SRC: variants seen among roughly 807,000 people sequenced by gnomAD.
SRC encodes SRC proto-oncogene, non-receptor tyrosine kinase.
A neutral mutation model predicts 62.9 loss-of-function variants in SRC; 13 were observed. The observed-to-expected ratio is 0.21, with a 90% CI of 0.13 to 0.33. The LOEUF is 0.33. Ranked by LOEUF, SRC falls within the 10% of genes least tolerant of loss-of-function variation. SRC has a pLI of 1.00. For missense variants in SRC, 457 were observed against 737.3 expected, an observed-to-expected ratio of 0.62 and a Z score of 4.40; for synonymous variants, 302 against 317.5, an observed-to-expected ratio of 0.95 and a Z score of 0.52.
rs1568621667 is a variant in SRC at position 37,361,870 on chromosome 20, T to TGCCGGGGCCTCTGTGTGCGG, written c.-246-3333_-246-3332insCCGGGGCCTCTGTGTGCGGG. Among the ~76,000 whole-genome samples the TGCCGGGGCCTCTGTGTGCGG allele has an allele frequency of 2.5e-4, 9 of 36,096 alleles. No homozygotes were observed. In the African/African-American group the frequency reaches 3.1e-3, roughly 12 times the overall value. 23.7% of individuals were successfully genotyped at this position (36,096 alleles called of 152,430 possible). ...CGGGGTCTCTGTGTGCAGGTAGAGA[T>TGCCGGGGCCTCTGTGTGCGG]GTAGAGATGCCGGGGTCTCTGTGTG... On this transcript the variant is annotated intron_variant, in intron 1 of 13. Transcript: ENST00000373578.
intron 2 of SRC, among the ~76,000 whole-genome samples, chr20:37,370,088 C>T (rs991778421): frequency 6.6e-6 from 1 of 152,226 alleles, no homozygotes; most frequent in South Asian, 2.1e-4. Flanking sequence ...GTGTGAGCCA[C>T]CACACCCGGC....
intron 1 of SRC, among the ~76,000 whole-genome samples, chr20:37,358,216 G>A (rs34071321): frequency 0.042 from 6,468 of 152,280 alleles, 182 homozygotes; most frequent in African/African-American, 0.082. Context: ...TCCTGCATAC[G>A]CCATGTGTTC....
intron 1 of SRC, 26 bp downstream of exon 1, chr20:37,346,281 A>C (rs1026713754): frequency 7.5e-6 from 1 of 132,552 alleles, no homozygotes. Context: ...CCCTCCGCGG[A>C]CCCCCCGCCC....
At chr20:37,361,962 TGTAGAGATGCTGGGGTCTCTGTGTGCAG>T (rs1462192731) in intron 1 of SRC, among the ~76,000 whole-genome samples, 62 of 143,616 alleles carry the variant, frequency 4.3e-4, no homozygotes, top group Admixed American at 2.0e-3. Flanking sequence ...CAGGTAGAGA[TGTAGAGATGCTGGGGTCTCTGTGTGCAG>T]GTAGAGATGC....
intron 2 of SRC, among the ~76,000 whole-genome samples, chr20:37,381,236 T>C (rs958324571): frequency 4.6e-5 from 7 of 152,208 alleles, no homozygotes; most frequent in African/African-American, 1.7e-4. Flanking sequence ...TGTTATGCTT[T>C]TTCTGAGTGC....
Position 37,373,051 on chromosome 20 carries a change from T to C in SRC, c.-173+7774T>C, listed in dbSNP as rs1234148461. On this transcript the variant is annotated intron_variant, in intron 2 of 13. Coordinates refer to ENST00000373578, the MANE Select transcript of SRC (RefSeq NM_198291.3). ...ACATATATACACATATACACATATATACATATATACACACATATACACACA... is the reference window on the plus strand; with the variant it reads ...ACATATATACACATATACACATATACACATATATACACACATATACACACA... Among the ~76,000 whole-genome samples, 12 of 151,770 alleles carry C rather than the reference T, an allele frequency of 7.9e-5. No homozygotes were observed. The East Asian group carries it at 9.6e-4, about 12-fold the overall frequency.
chr20:37,396,549 G>T lies in SRC; in HGVS notation c.703+238G>T. 1.7e-6 allele frequency: 1 copy of T among 590,540 alleles called. No homozygotes were observed. The allele number at this position is 590,540 out of a possible 1,614,324, so 36.6% of individuals were successfully genotyped here. A position where few individuals can be genotyped will look rare whatever the true frequency, so the allele number is the denominator to read the frequency against. ...TCCCCCTCTCTCCCTGCTCCACGCA[G>T]TGTCCCACTGCCCGCCTTTCTCTGC... On this transcript the variant is annotated intron_variant, in intron 8 of 13. Transcript: ENST00000373578. The surrounding 1 kb of genome is among the most constrained non-coding windows in gnomAD (Gnocchi z 6.1).
chr20:37,374,204 C>T (rs977447730), intron 2 of SRC, among the ~76,000 whole-genome samples: 9 of 151,568 alleles, frequency 5.9e-5, no homozygotes, highest in African/African-American at 1.5e-4. Context: ...CTCAGCCTCC[C>T]GAGTAGCTAG....
At position 37,403,505 on chromosome 20, in the gene SRC, G is replaced by A. The variant is rs1440159182; in HGVS notation, c.*126G>A. Reference sequence around the variant, plus strand: ...TCTGTGGGGCTGAATTGCCAGGGGCGAGGCCCTTCCTCTTTGGTGGCATGG... The same window carrying A: ...TCTGTGGGGCTGAATTGCCAGGGGCAAGGCCCTTCCTCTTTGGTGGCATGG... On this transcript the variant is annotated 3_prime_UTR_variant, in exon 14 of 14. Transcript: ENST00000373578. This position sits in a 1 kb window ranked among gnomAD's most constrained non-coding sequence, Gnocchi z 7.1. The A allele has an allele frequency of 1.2e-5, 14 of 1,135,528 alleles. No individual in the cohort carries two copies. Among genetic ancestry groups the A allele is most frequent in the Admixed American group, 2.7e-5 (1 of 37,702 alleles). The allele number at this position is 1,135,528 out of a possible 1,614,324, so 70.3% of individuals were successfully genotyped here.
At chr20:37,363,490 A>ATCTGGCTGGTATCCTGGCTGTCTGCCT (rs558394370) in intron 1 of SRC, among the ~76,000 whole-genome samples, 79 of 152,098 alleles carry the variant, frequency 5.2e-4, no homozygotes, top group African/African-American at 1.8e-3. Flanking sequence ...TGTCCCTCGG[A>ATCTGGCTGGTATCCTGGCTGTCTGCCT]TCTGGCTGGT....
chr20:37,385,893 C>A (rs1455618255), intron 4 of SRC, among the ~76,000 whole-genome samples, 182 bp from the exon 5 acceptor site: 1 of 152,266 alleles, frequency 6.6e-6, no homozygotes, highest in Non-Finnish European at 1.5e-5. Context: ...TGCAGGGATG[C>A]GCAGATACAC....
At chr20:37,373,276 A>G (rs111220185) in intron 2 of SRC, among the ~76,000 whole-genome samples, 37,625 of 151,040 alleles carry the variant, frequency 0.25, 7,361 homozygotes, top group African/African-American at 0.55. Context: ...ACGCACACAC[A>G]CACACACATA....
rs1193068083 is a variant in SRC, at chr20:37,403,190, G to A, written c.1422G>A (p.Val474=). 3.2e-6 allele frequency: 5 copies of A among 1,554,276 alleles called. No homozygotes were observed. The highest frequency in any genetic ancestry group is 1.9e-5 in the Admixed American group (1 of 52,844). ...CCACAGGGATGGTGAACCGCGAGGT[G>A]CTGGACCAGGTGGAGCGGGGCTACC... The part of the protein sequence containing the change: ...VPYPGMVNRE[V]LDQVERGYRM... Residue 474 remains valine, a synonymous_variant, in exon 14 of 14, where the codon GTG becomes GTA. Transcript: ENST00000373578. The surrounding 1 kb of genome is among the most constrained non-coding windows in gnomAD (Gnocchi z 7.1).
At position 37,396,424 on chromosome 20, in the gene SRC, C is replaced by G. The variant is rs1396877875; in HGVS notation, c.703+113C>G. On this transcript the variant is annotated intron_variant, in intron 8 of 13. Transcript: ENST00000373578. This position sits in a 1 kb window ranked among gnomAD's most constrained non-coding sequence, Gnocchi z 6.1. ...GACTTCTGTTATCCTGCTTCTCTCCCCACTTCCCCCTCCCCCCTCCCTTCC... is the reference window on the plus strand; with the variant it reads ...GACTTCTGTTATCCTGCTTCTCTCCGCACTTCCCCCTCCCCCCTCCCTTCC... The G allele has an allele frequency of 8.1e-7, 1 of 1,227,024 alleles. No individual in the cohort carries two copies. Among genetic ancestry groups the G allele is most frequent in the Non-Finnish European group, 1.1e-6 (1 of 883,748 alleles). 76.0% of individuals were successfully genotyped at this position (1,227,024 alleles called of 1,614,324 possible).
At chr20:37,355,327 T>C (rs1414664480) in intron 1 of SRC, among the ~76,000 whole-genome samples, 1 of 149,058 alleles carries the variant, frequency 6.7e-6, no homozygotes, top group East Asian at 2.1e-4. Context: ...CCCGTTTCTC[T>C]CCTGTGCCCT....
At chr20:37,387,130 C>G (rs758951435) in intron 5 of SRC, among the ~76,000 whole-genome samples, 1 of 152,168 alleles carries the variant, frequency 6.6e-6, no homozygotes, top group Non-Finnish European at 1.5e-5. Flanking sequence ...TGGGTGTCCT[C>G]GAAGGCCTGG....
chr20:37,361,714 C>T (rs1184156930), intron 1 of SRC, among the ~76,000 whole-genome samples: 1 of 152,188 alleles, frequency 6.6e-6, no homozygotes, highest in Non-Finnish European at 1.5e-5. Flanking sequence ...GAGAGCAAAA[C>T]TTGCCACCTC....
In SRC at chr20:37,396,213, T is replaced by C. The variant is rs1331636640; in HGVS notation, c.605T>C (p.Val202Ala). Residue 202 changes from valine to alanine, a missense_variant, in exon 8 of 14, where the codon GTG becomes GCG. Val to Ala is a moderately conservative substitution (Grantham distance 64). This residue lies in a region of SRC where 141 missense variants were observed against 198.4 expected (regional missense o/e 0.71). Transcript: ENST00000373578. The surrounding 1 kb of genome is among the most constrained non-coding windows in gnomAD (Gnocchi z 6.1). ...SDFDNAKGLN[V>A]KHYKIRKLDS... ...TTCGACAACGCCAAGGGCCTCAACG[T>C]GAAGCACTACAAGATCCGCAAGCTG... 1 of 1,614,004 alleles carries C rather than the reference T, an allele frequency of 6.2e-7. No individual in the cohort carries two copies. Among genetic ancestry groups the C allele is most frequent in the South Asian group, 1.1e-5 (1 of 91,086 alleles).
intron 5 of SRC, 117 bp from the exon 6 acceptor site, chr20:37,393,778 C>A: frequency 1.4e-6 from 1 of 731,990 alleles, no homozygotes; most frequent in Middle Eastern, 2.5e-4. Context: ...CCCACCACCT[C>A]CCTGGGCCTC....
Sources: allele counts gnomAD v4.1 joint callset (sites outside exome capture counted in the v4.1 genomes callset), GRCh38; gene constraint gnomAD v4.1.1; regional missense constraint gnomAD v4.1.1; non-coding constraint Gnocchi (gnomAD v3.1); transcripts MANE v1.5; gene names NCBI Gene and HGNC (gene_info 2026-07-23, HGNC 2026-07-21).